MIDEAS: variants seen among roughly 807,000 people sequenced by gnomAD.
The protein encoded by MIDEAS is mitotic deacetylase associated SANT domain protein, also known as mitotic deacetylase-associated SANT domain protein.
Under a neutral mutation model 102.7 loss-of-function variants are expected in MIDEAS, and 26 were observed. The ratio of observed to expected loss-of-function variants is 0.25; its 90% confidence interval spans 0.19 to 0.35. MIDEAS has a LOEUF of 0.35. MIDEAS is among the 10% of genes least tolerant of loss of function. The pLI, the probability that MIDEAS is intolerant of heterozygous loss-of-function variation, is 1.00. For missense variants in MIDEAS, 1,231 were observed against 1,435.6 expected, an observed-to-expected ratio of 0.86 and a Z score of 2.30; for synonymous variants, 585 against 591.0, an observed-to-expected ratio of 0.99 and a Z score of 0.15.
In MIDEAS at chr14:73,729,645, C is replaced by T. The variant is rs199727150; in HGVS notation, c.2090G>A (p.Arg697Gln). The change falls in exon 4 of 13, where the codon CGG becomes CAG. Residue 697 changes from arginine to glutamine, a missense_variant. By Grantham distance (43) the Arg-to-Gln change is conservative (BLOSUM62 1). Around this residue, in one of 5 missense-constraint regions of MIDEAS, gnomAD observed 391 missense variants for 483.0 expected, o/e 0.81. Transcript: ENST00000423556. Reference protein sequence around the residue: ...TPKSAHRTLLRTNSAEVTPPV... With the variant: ...TPKSAHRTLLQTNSAEVTPPV... ...CGCGGAGGGAGGTCACTCACTAGTC[C>T]GGAGCAGCGTGCGATGGGCACTCTT... The T allele has an allele frequency of 4.4e-6, 7 of 1,605,196 alleles. No individual in the cohort carries two copies. Among genetic ancestry groups the T allele is most frequent in the Non-Finnish European group, 5.1e-6 (6 of 1,174,472 alleles).
rs373379684 is a variant in MIDEAS, at chr14:73,753,635, G to A, written c.-248+6128C>T. 1.0e-3 allele frequency among the ~76,000 whole-genome samples: 157 copies of A among 152,346 alleles called. 1 individual carries two copies. The highest frequency in any genetic ancestry group is 3.6e-3 in the African/African-American group (151 of 41,580). Reference sequence around the variant, plus strand: ...CGTTATCAGTCTTTAACACCTTGGAGGAAATGAATAGTCCAACTCTTCCAG... The same window carrying A: ...CGTTATCAGTCTTTAACACCTTGGAAGAAATGAATAGTCCAACTCTTCCAG... On this transcript the variant is annotated intron_variant, in intron 1 of 12. Coordinates refer to ENST00000423556, the MANE Select transcript of MIDEAS (RefSeq NM_001367710.1).
intron 1 of MIDEAS, among the ~76,000 whole-genome samples, chr14:73,765,520 A>C (rs1043279857): frequency 6.6e-6 from 1 of 152,102 alleles, no homozygotes; most frequent in African/African-American, 2.4e-5. Flanking sequence ...TACCATCCAC[A>C]CTGCCATCAG....
intron 1 of MIDEAS, among the ~76,000 whole-genome samples, chr14:73,743,010 AG>A (rs2053302702): frequency 6.6e-6 from 1 of 152,168 alleles, no homozygotes; most frequent in Non-Finnish European, 1.5e-5. Context: ...CAGGTTAGCT[AG>A]ATGAGGCTCA....
At chr14:73,744,591 C>T (rs932042587) in intron 1 of MIDEAS, among the ~76,000 whole-genome samples, 1 of 152,148 alleles carries the variant, frequency 6.6e-6, no homozygotes, top group African/African-American at 2.4e-5. Flanking sequence ...GCAAGACAGG[C>T]CCAAACTGAG....
chr14:73,720,749 T>C (rs1415130789), intron 11 of MIDEAS, among the ~76,000 whole-genome samples: 1 of 152,192 alleles, frequency 6.6e-6, no homozygotes, highest in Non-Finnish European at 1.5e-5. Flanking sequence ...TTAGCATCTC[T>C]GAACTGCTTT....
intron 1 of MIDEAS, among the ~76,000 whole-genome samples, chr14:73,754,510 C>T (rs1445371289): frequency 1.3e-5 from 2 of 152,246 alleles, no homozygotes; most frequent in African/African-American, 2.4e-5. Flanking sequence ...AGCCACCAGG[C>T]GCAGGACACA....
upstream of MIDEAS, among the ~76,000 whole-genome samples, chr14:73,789,405 A>G (rs950308379): frequency 6.6e-6 from 1 of 152,114 alleles, no homozygotes; most frequent in African/African-American, 2.4e-5. Flanking sequence ...CCTTCCCCCC[A>G]TGTTAATCAA....
rs143490487 is a variant in MIDEAS at position 73,738,949 on chromosome 14, T to C, written c.1060A>G (p.Ile354Val). 7,628 of 1,529,656 alleles carry C rather than the reference T, an allele frequency of 5.0e-3. 24 individuals carry two copies. Among genetic ancestry groups the C allele is most frequent in the Non-Finnish European group, 6.0e-3 (6,871 of 1,140,906 alleles). 94.8% of individuals were successfully genotyped at this position (1,529,656 alleles called of 1,614,324 possible). A position where few individuals can be genotyped will look rare whatever the true frequency, so the allele number is the denominator to read the frequency against. Reference sequence around the variant, plus strand: ...CCATCCAGGGCGCTGGGAGGCAGGATACCCTCCTTAGAGAGGCGGCGGGAG... The same window carrying C: ...CCATCCAGGGCGCTGGGAGGCAGGACACCCTCCTTAGAGAGGCGGCGGGAG... The part of the protein sequence containing the change: ...RRSRRLSKEG[I>V]LPPSALDGAG... The change falls in exon 2 of 13, where the codon ATC becomes GTC. Residue 354 changes from isoleucine to valine, a missense_variant. This residue lies in a region of MIDEAS where 758 missense variants were observed against 856.0 expected (regional missense o/e 0.89). Coordinates refer to ENST00000423556, the MANE Select transcript of MIDEAS (RefSeq NM_001367710.1).
At chr14:73,760,655 G>A (rs913104339), upstream of MIDEAS, among the ~76,000 whole-genome samples, 4 of 152,202 alleles carry the variant, frequency 2.6e-5, no homozygotes, top group Admixed American at 1.3e-4. The surrounding 1 kb of genome is among the most constrained non-coding windows in gnomAD (Gnocchi z 4.8). Flanking sequence ...TTTTGGATAC[G>A]GTAAATCATG....
chr14:73,721,214 T>C (rs1191529133), intron 11 of MIDEAS, 83 bp downstream of exon 11: 12 of 1,302,042 alleles, frequency 9.2e-6, no homozygotes, highest in African/African-American at 1.4e-5. Flanking sequence ...AGGATCACAG[T>C]CCTGCTCTAC....
At chr14:73,769,118 G>A (rs2053618878) in intron 1 of MIDEAS, among the ~76,000 whole-genome samples, 1 of 152,138 alleles carries the variant, frequency 6.6e-6, no homozygotes, top group Non-Finnish European at 1.5e-5. Flanking sequence ...GGTCTCCCTC[G>A]CATCTACCTC....
At chr14:73,764,639 C>T (rs540965025), upstream of MIDEAS, among the ~76,000 whole-genome samples, 6 of 152,338 alleles carry the variant, frequency 3.9e-5, no homozygotes, top group South Asian at 4.1e-4. Context: ...GAGCAAACCG[C>T]GAGCTCACAA....
Position 73,726,860 on chromosome 14 carries a change from G to A in MIDEAS, c.2275C>T (p.Leu759=), listed in dbSNP as rs1255698741. The A allele has an allele frequency of 6.2e-7, 1 of 1,612,334 alleles. No homozygotes were observed. Among genetic ancestry groups the A allele is most frequent in the Non-Finnish European group, 8.5e-7 (1 of 1,178,726 alleles). ...CTCTGCTTCTCCCGGCTGCTCTCTAGGTCCTCCCATGGCTGCCACACCAAG... is the reference window on the plus strand; with the variant it reads ...CTCTGCTTCTCCCGGCTGCTCTCTAAGTCCTCCCATGGCTGCCACACCAAG... The part of the protein sequence containing the change: ...ADLVWQPWED[L]ESSREKQRQV... Residue 759 remains leucine (L), a synonymous_variant, in exon 6 of 13, where the codon CTA becomes TTA. Transcript: ENST00000423556.
At chr14:73,766,198 A>G (rs2053591550) in intron 1 of MIDEAS, among the ~76,000 whole-genome samples, 1 of 152,184 alleles carries the variant, frequency 6.6e-6, no homozygotes, top group Admixed American at 6.5e-5. Flanking sequence ...ACATTGTTCT[A>G]CACCTGCTTA....
At chr14:73,719,151 G>A (rs1041634479) in intron 12 of MIDEAS, 143 bp from the exon 13 acceptor site, 5 of 1,466,218 alleles carry the variant, frequency 3.4e-6, no homozygotes, top group Non-Finnish European at 3.6e-6. Flanking sequence ...TCCGAAAGCT[G>A]CCCCATGACG....
intron 1 of MIDEAS, among the ~76,000 whole-genome samples, chr14:73,784,431 C>T (rs1423218962): frequency 6.6e-6 from 1 of 152,258 alleles, no homozygotes; most frequent in Non-Finnish European, 1.5e-5. Flanking sequence ...GTGGCTCCCG[C>T]AGCTCCCTGG....
intron 1 of MIDEAS, among the ~76,000 whole-genome samples, chr14:73,775,284 G>C (rs940575955): frequency 1.3e-5 from 2 of 151,992 alleles, no homozygotes; most frequent in Non-Finnish European, 2.9e-5. Context: ...GGAGTGTGGA[G>C]CTCCTTCTGC....
chr14:73,772,565 G>A (rs994073588), intron 1 of MIDEAS, among the ~76,000 whole-genome samples: 4 of 151,986 alleles, frequency 2.6e-5, no homozygotes, highest in African/African-American at 9.7e-5. Flanking sequence ...GAAACACTGA[G>A]GCTGTTTACA....
Position 73,739,708 on chromosome 14 carries a change from C to A in MIDEAS, c.301G>T (p.Val101Leu). ...TCCGGGCCCCGCCCTGGAGCCATCACAGAGTTGGGCCACTTTACTGAGGCC... is the reference window on the plus strand; with the variant it reads ...TCCGGGCCCCGCCCTGGAGCCATCAAAGAGTTGGGCCACTTTACTGAGGCC... The part of the protein sequence containing the change: ...QVASVKWPNS[V>L]MAPGRGPERG... The change falls in exon 2 of 13, where the codon GTG (valine) becomes TTG (leucine). Residue 101 changes from valine (V) to leucine (L), a missense_variant. By Grantham distance (32) the Val-to-Leu change is conservative. Transcript: ENST00000423556. 1 of 1,613,938 alleles carries A rather than the reference C, an allele frequency of 6.2e-7. No individual in the cohort carries two copies. Among genetic ancestry groups the A allele is most frequent in the Middle Eastern group, 1.6e-4 (1 of 6,062 alleles).
Sources: allele counts gnomAD v4.1 joint callset (sites outside exome capture counted in the v4.1 genomes callset), GRCh38; gene constraint gnomAD v4.1.1; regional missense constraint gnomAD v4.1.1; non-coding constraint Gnocchi (gnomAD v3.1); transcripts MANE v1.5; gene names NCBI Gene and HGNC (gene_info 2026-07-23, HGNC 2026-07-21).